Variants in RSPH10B observed in about 807,000 individuals in gnomAD.
RSPH10B encodes the protein radial spoke head 10 homolog B (Chlamydomonas).
In RSPH10B, 7 loss-of-function variants were observed where a neutral mutation model predicts 52.5. The observed-to-expected ratio is 0.13, with a 90% confidence interval of 0.08 to 0.25. RSPH10B has a LOEUF of 0.25. Ranked by LOEUF, RSPH10B falls within the 10% of genes least tolerant of loss-of-function variation. The pLI is 1.00. For missense variants in RSPH10B, 89 were observed against 542.5 expected (o/e 0.16, Z 8.30); for synonymous variants, 28 against 193.2 (o/e 0.14, Z 7.09).
At chr7:5,961,409 G>A (rs533162502) in intron 3 of RSPH10B, among the ~76,000 whole-genome samples, 1,567 of 138,738 alleles carry the variant, frequency 0.011, 24 homozygotes, top group African/African-American at 0.039. Flanking sequence ...GCGCCATCTC[G>A]GCTCACTGCA....
intron 17 of RSPH10B, among the ~76,000 whole-genome samples, chr7:5,932,212 CAG>C (rs1255163552): frequency 4.1e-5 from 5 of 122,480 alleles, no homozygotes; most frequent in African/African-American, 1.6e-4. Context: ...AGTCAGCAGA[CAG>C]AGAGGCCTCA....
At chr7:5,947,600 G>A (rs1237216064) in intron 10 of RSPH10B, among the ~76,000 whole-genome samples, 5 of 91,958 alleles carry the variant, frequency 5.4e-5, no homozygotes, top group Admixed American at 4.0e-4. Context: ...CTGTAATCCT[G>A]GCTACTCAGG....
intron 6 of RSPH10B, among the ~76,000 whole-genome samples, chr7:5,957,007 C>A (rs1780752803): frequency 4.1e-5 from 1 of 24,286 alleles, no homozygotes; most frequent in Non-Finnish European, 8.7e-5. Context: ...GACCTCGTTT[C>A]TAAAAAAAAA....
At chr7:5,968,344 CA>C (rs1236598631), upstream of RSPH10B, among the ~76,000 whole-genome samples, 2 of 136,212 alleles carry the variant, frequency 1.5e-5, no homozygotes, top group Non-Finnish European at 3.2e-5. Context: ...GAGCCGAGAT[CA>C]CACCACTGCA....
chr7:5,931,693 C>T (rs1779780988), intron 17 of RSPH10B, among the ~76,000 whole-genome samples: 1 of 120,756 alleles, frequency 8.3e-6, no homozygotes, highest in Non-Finnish European at 1.8e-5. Flanking sequence ...CAAGAACCCA[C>T]CTCTTAAAAA....
chr7:5,942,622 G>C (rs1402618626), intron 13 of RSPH10B, among the ~76,000 whole-genome samples: 2 of 147,692 alleles, frequency 1.4e-5, no homozygotes, highest in Admixed American at 7.0e-5. Flanking sequence ...GGCACTTAGG[G>C]AGGCTGAGGC....
chr7:5,944,863 T>A (rs35314827), intron 11 of RSPH10B, among the ~76,000 whole-genome samples: 2 of 138,514 alleles, frequency 1.4e-5, no homozygotes, highest in Non-Finnish European at 3.1e-5. Context: ...CCCAGGAGCC[T>A]GAGGCAGAAG....
chr7:5,943,099 G>T (rs1164198192), intron 13 of RSPH10B: 23 of 942,704 alleles, frequency 2.4e-5, no homozygotes, highest in Non-Finnish European at 3.4e-5. Context: ...CCATTGTCTT[G>T]CCCTAATCTG....
At chr7:5,927,070 A>ATGTGTGTGTGTGTGTG (rs748036363) in intron 18 of RSPH10B, among the ~76,000 whole-genome samples, 3 of 110,718 alleles carry the variant, frequency 2.7e-5, no homozygotes, top group African/African-American at 9.7e-5. Context: ...GTGTGTGTAT[A>ATGTGTGTGTGTGTGTG]TGTGTGTGTG....
chr7:5,944,346 C>T lies in RSPH10B; in HGVS notation c.1530-356G>A, dbSNP rs1342102117. On this transcript the variant is annotated intron_variant, in intron 11 of 18. Coordinates refer to ENST00000337579, the Ensembl canonical transcript of RSPH10B. The stretch of plus-strand genomic sequence containing the variant: ...CTGGGAGGTGGAGGTTGCAGTGAGC[C>T]GAGATCGCGCCACTGCACTCCAGCC... 1.7e-4 allele frequency among the ~76,000 whole-genome samples: 25 copies of T among 150,508 alleles called. 1 individual carries two copies. Among genetic ancestry groups the T allele is most frequent in the Admixed American group, 9.4e-4 (14 of 14,970 alleles).
At chr7:5,928,377 T>C in exon 18 of RSPH10B, 1 of 1,613,198 alleles carries the variant, frequency 6.2e-7, no homozygotes, top group Non-Finnish European at 8.5e-7. Context: ...CGATCATCCT[T>C]GGGTCTCTCA....
chr7:5,927,066 G>GTGTGTGTGTGTGTATATA, intron 18 of RSPH10B, among the ~76,000 whole-genome samples: 1 of 107,338 alleles, frequency 9.3e-6, no homozygotes, highest in Non-Finnish European at 2.2e-5. Flanking sequence ...GTGTGTGTGT[G>GTGTGTGTGTGTGTATATA]TATATGTGTG....
rs1315671295 is a variant in RSPH10B, at chr7:5,960,370, A to G, written c.573+321T>C. 1.6e-4 allele frequency among the ~76,000 whole-genome samples: 8 copies of G among 50,912 alleles called. No individual in the cohort carries two copies. The East Asian group carries it at 2.3e-3, about 15-fold the overall frequency. The allele number at this position is 50,912 out of a possible 152,430, so 33.4% of individuals were successfully genotyped here. A position where few individuals can be genotyped will look rare whatever the true frequency, so the allele number is the denominator to read the frequency against. ...AGAGGTTGCAGTGAGCTGAGATGGC[A>G]CCATTGCACTCCCGCCTGGGCGACA... On this transcript the variant is annotated intron_variant, in intron 4 of 18. Coordinates refer to ENST00000337579, the Ensembl canonical transcript of RSPH10B.
At chr7:5,968,499 G>GTTGA (rs1781180723), upstream of RSPH10B, among the ~76,000 whole-genome samples, 1 of 79,524 alleles carries the variant, frequency 1.3e-5, no homozygotes, top group East Asian at 4.9e-4. Context: ...CTATGGGTTT[G>GTTGA]TTTATTTATT....
At chr7:5,942,835 C>A (rs1780265976) in intron 13 of RSPH10B, among the ~76,000 whole-genome samples, 1 of 149,436 alleles carries the variant, frequency 6.7e-6, no homozygotes, top group Non-Finnish European at 1.5e-5. Context: ...GCACTCCAGC[C>A]TGAGTGACAA....
At chr7:5,931,022 C>T (rs1334044600) in intron 17 of RSPH10B, among the ~76,000 whole-genome samples, 2 of 108,216 alleles carry the variant, frequency 1.8e-5, no homozygotes, top group African/African-American at 3.4e-5. Context: ...CAACCTCTGC[C>T]TCCTGGGTTC....
intron 18 of RSPH10B, among the ~76,000 whole-genome samples, chr7:5,927,150 G>C (rs1779536993): frequency 2.1e-5 from 3 of 142,298 alleles, no homozygotes; most frequent in African/African-American, 7.9e-5. Context: ...GGAGTGCAGT[G>C]GCACAAACAA....
intron 13 of RSPH10B, among the ~76,000 whole-genome samples, chr7:5,942,748 G>A (rs1296558372): frequency 1.3e-5 from 2 of 150,842 alleles, no homozygotes; most frequent in East Asian, 3.9e-4. Context: ...TGTAATCCCA[G>A]CTACTCTGGA....
chr7:5,940,942 AATT>A (rs752116609), intron 13 of RSPH10B, among the ~76,000 whole-genome samples: 2,769 of 45,812 alleles, frequency 0.06, 327 homozygotes, highest in Admixed American at 0.14. Context: ...TAATAATAAT[AATT>A]ATTATTATTA....
Sources: allele counts gnomAD v4.1 joint callset (sites outside exome capture counted in the v4.1 genomes callset), GRCh38; gene constraint gnomAD v4.1.1; transcripts MANE v1.5; gene names NCBI Gene and HGNC (gene_info 2026-07-23, HGNC 2026-07-21).